SUGCT: variants seen among roughly 807,000 people sequenced by gnomAD.
The protein encoded by SUGCT is succinyl-CoA:glutarate CoA-transferase.
In SUGCT, 41 loss-of-function variants were observed where a neutral mutation model predicts 55.0. That is an observed-to-expected ratio of 0.74 (90% CI 0.58 to 0.97). The LOEUF is 0.97. SUGCT is among the 50% of genes least tolerant of loss of function. SUGCT has a pLI of 0.00. For missense variants in SUGCT, 568 were observed against 547.8 expected, an observed-to-expected ratio of 1.04 and a Z score of -0.37; for synonymous variants, 187 against 200.4, an observed-to-expected ratio of 0.93 and a Z score of 0.56.
chr7:40,183,172 C>A (rs112814352), intron 3 of SUGCT, among the ~76,000 whole-genome samples: 1,860 of 152,188 alleles, frequency 0.012, 38 homozygotes, highest in African/African-American at 0.042. Context: ...ACTTGGGAGG[C>A]TGAGGCAGAA....
chr7:40,542,424 T>C (rs976804193), intron 12 of SUGCT, among the ~76,000 whole-genome samples: 1 of 152,210 alleles, frequency 6.6e-6, no homozygotes, highest in Non-Finnish European at 1.5e-5. Context: ...GTTCTCTGTA[T>C]CCCTGTCAAT....
chr7:40,523,945 G>T (rs925486082), intron 12 of SUGCT, among the ~76,000 whole-genome samples: 2 of 151,830 alleles, frequency 1.3e-5, no homozygotes, highest in Admixed American at 6.6e-5. Flanking sequence ...ATTATATATA[G>T]ATTTTAGAAT....
intron 13 of SUGCT, 138 bp from the exon 14 acceptor site, chr7:40,860,178 C>T (rs185995404): frequency 8.3e-5 from 82 of 988,382 alleles, no homozygotes; most frequent in Middle Eastern, 4.7e-4. Context: ...ATTTCCAAAA[C>T]GTTGATGCAT....
intron 9 of SUGCT, among the ~76,000 whole-genome samples, chr7:40,322,218 A>G (rs978987969): frequency 1.3e-5 from 2 of 152,134 alleles, no homozygotes; most frequent in Admixed American, 6.6e-5. Context: ...TGAATAGCAT[A>G]AGAATCTCCC....
At chr7:40,867,122 T>TTA in the SUGCT span, among the ~76,000 whole-genome samples, 50 of 138,538 alleles carry the variant, frequency 3.6e-4, no homozygotes, top group African/African-American at 1.0e-3. Context: ...TAAGAACTCC[T>TTA]TATATATATA....
At chr7:40,168,138 G>A (rs1267591318) in intron 1 of SUGCT, among the ~76,000 whole-genome samples, 2 of 152,190 alleles carry the variant, frequency 1.3e-5, no homozygotes, top group Non-Finnish European at 2.9e-5. Flanking sequence ...TAGAAGCCCC[G>A]TGTTTAAAGG....
chr7:40,583,744 A>G (rs1273483734), intron 12 of SUGCT, among the ~76,000 whole-genome samples: 1 of 152,034 alleles, frequency 6.6e-6, no homozygotes, highest in Non-Finnish European at 1.5e-5. Context: ...GAGCCCATCT[A>G]CTCTGAATCT....
chr7:40,574,712 G>C (rs975855671), intron 12 of SUGCT, among the ~76,000 whole-genome samples: 1 of 152,028 alleles, frequency 6.6e-6, no homozygotes, highest in Non-Finnish European at 1.5e-5. Flanking sequence ...GATTACAGGC[G>C]TGAGCCACCG....
chr7:41,008,398 G>A, the SUGCT span, among the ~76,000 whole-genome samples: 6 of 152,094 alleles, frequency 3.9e-5, no homozygotes, highest in Non-Finnish European at 4.4e-5. Flanking sequence ...TCTCACATCC[G>A]GGTTTCTTTT....
chr7:40,377,494 C>T (rs1228320256), intron 9 of SUGCT, among the ~76,000 whole-genome samples: 13 of 151,744 alleles, frequency 8.6e-5, no homozygotes, highest in East Asian at 3.9e-4. Context: ...CCACCTGCCT[C>T]GGCCTCCCAA....
intron 12 of SUGCT, among the ~76,000 whole-genome samples, chr7:40,644,723 C>T (rs1476853690): frequency 1.3e-5 from 2 of 152,158 alleles, no homozygotes; most frequent in African/African-American, 2.4e-5. Flanking sequence ...GGCAGCTCCT[C>T]GAATTCCGTG....
At chr7:40,483,001 T>A (rs1791139771) in intron 11 of SUGCT, among the ~76,000 whole-genome samples, 1 of 152,184 alleles carries the variant, frequency 6.6e-6, no homozygotes, top group East Asian at 1.9e-4. Flanking sequence ...GGAGAAAAGA[T>A]AACTTTAACC....
chr7:40,822,947 G>T (rs1201931340), intron 13 of SUGCT, among the ~76,000 whole-genome samples: 1 of 152,110 alleles, frequency 6.6e-6, no homozygotes, highest in Non-Finnish European at 1.5e-5. Flanking sequence ...ATATTCCGAA[G>T]GGATAGGTTA....
At chr7:40,783,743 G>A (rs1789874448) in intron 13 of SUGCT, among the ~76,000 whole-genome samples, 2 of 152,150 alleles carry the variant, frequency 1.3e-5, no homozygotes, top group Admixed American at 6.5e-5. Flanking sequence ...CAATGTAGAT[G>A]TGCTTACAAC....
intron 13 of SUGCT, 54 bp downstream of exon 13, chr7:40,749,551 A>G: frequency 1.4e-6 from 2 of 1,427,598 alleles, no homozygotes; most frequent in Middle Eastern, 1.8e-4. Flanking sequence ...ATTGTCCCAT[A>G]TGCTGTTTAC....
At chr7:40,847,411 C>CT (rs981613426) in intron 13 of SUGCT, among the ~76,000 whole-genome samples, 3,219 of 75,350 alleles carry the variant, frequency 0.043, 56 homozygotes, top group Non-Finnish European at 0.061. Flanking sequence ...TTCTTTCTTT[C>CT]TTTTTTTTTT....
chr7:40,311,281 A>G (rs866053852), intron 8 of SUGCT, among the ~76,000 whole-genome samples: 2 of 152,204 alleles, frequency 1.3e-5, no homozygotes, highest in Middle Eastern at 3.2e-3. Flanking sequence ...TGAGCTATCT[A>G]TCATCAAATT....
chr7:40,377,203 C>CTT (rs368771202), intron 9 of SUGCT, among the ~76,000 whole-genome samples: 1 of 11,958 alleles, frequency 8.4e-5, no homozygotes, highest in Non-Finnish European at 1.5e-4. Flanking sequence ...TCTTTCTTTT[C>CTT]TTTTCTTTTC....
chr7:40,804,169 C>T (rs774394300), intron 13 of SUGCT, among the ~76,000 whole-genome samples: 13 of 152,286 alleles, frequency 8.5e-5, no homozygotes, highest in Middle Eastern at 3.4e-3. Flanking sequence ...CAAAAGCTTA[C>T]AAGTTTTGGC....
Sources: gnomAD v4.1 joint callset for allele counts (sites outside exome capture counted in the v4.1 genomes callset) on GRCh38, gnomAD v4.1.1 for gene constraint, MANE v1.5 for transcripts, NCBI Gene and HGNC (gene_info 2026-07-23, HGNC 2026-07-21) for gene names.